Variants in RERE observed in about 807,000 individuals in gnomAD.
RERE encodes arginine-glutamic acid dipeptide repeats protein.
A neutral mutation model predicts 146.1 loss-of-function variants in RERE; 40 were observed. The ratio of observed to expected loss-of-function variants is 0.27; its 90% CI spans 0.21 to 0.36. The LOEUF (loss-of-function observed/expected upper bound fraction) is 0.36, where lower values mean the gene tolerates loss of function less well. Ranked by LOEUF, RERE falls within the 10% of genes least tolerant of loss-of-function variation. RERE has a pLI of 1.00. For synonymous variants in RERE, 1,003 were observed against 866.0 expected, an observed-to-expected ratio of 1.16 and a Z score of -2.78; for missense variants, 1,933 against 2,138.7, an observed-to-expected ratio of 0.90 and a Z score of 1.90.
At chr1:8,378,698 G>GA (rs1176006587) in intron 12 of RERE, among the ~76,000 whole-genome samples, 2 of 152,222 alleles carry the variant, frequency 1.3e-5, no homozygotes, top group African/African-American at 4.8e-5. Flanking sequence ...AGAACTGTAA[G>GA]AAAATAAGTT....
intron 8 of RERE, among the ~76,000 whole-genome samples, chr1:8,500,464 G>A (rs1414263335): frequency 1.3e-5 from 2 of 152,192 alleles, no homozygotes; most frequent in South Asian, 2.1e-4. Flanking sequence ...CGCCAGCCTC[G>A]GCCTCCCGAG....
intron 1 of RERE, among the ~76,000 whole-genome samples, chr1:8,728,521 T>G (rs1392397440): frequency 6.6e-6 from 1 of 152,134 alleles, no homozygotes; most frequent in East Asian, 1.9e-4. Flanking sequence ...ATATTCTTTT[T>G]AGGGGATTAG....
chr1:8,665,934 C>T (rs11121212), intron 1 of RERE, among the ~76,000 whole-genome samples: 95,747 of 151,970 alleles, frequency 0.63, 30,664 homozygotes, highest in East Asian at 0.83. Context: ...GTCAGTACTA[C>T]TGTTATGTAT....
intron 1 of RERE, chr1:8,786,108 C>A (rs901194151): frequency 6.1e-5 from 27 of 439,452 alleles, no homozygotes; most frequent in Non-Finnish European, 1.1e-4. Context: ...CTCTGACTGG[C>A]AGCAGTCTAA....
chr1:8,598,413 A>T (rs1449132023), intron 4 of RERE, among the ~76,000 whole-genome samples: 1 of 152,176 alleles, frequency 6.6e-6, no homozygotes, highest in African/African-American at 2.4e-5. Flanking sequence ...CTCCAGCAGA[A>T]GCAACGTCAC....
At chr1:8,692,884 T>A (rs1386315186) in intron 1 of RERE, among the ~76,000 whole-genome samples, 1 of 152,194 alleles carries the variant, frequency 6.6e-6, no homozygotes, top group Non-Finnish European at 1.5e-5. Flanking sequence ...ATTATTCCTT[T>A]TTACATCTAA....
intron 2 of RERE, among the ~76,000 whole-genome samples, chr1:8,653,573 T>C (rs553444145): frequency 6.6e-6 from 1 of 151,628 alleles, no homozygotes; most frequent in East Asian, 1.9e-4. Context: ...TGGGCGCCTG[T>C]AGTCCCAGCT....
intron 6 of RERE, among the ~76,000 whole-genome samples, chr1:8,545,616 CATT>C (rs567284006): frequency 2.7e-5 from 4 of 150,938 alleles, no homozygotes; most frequent in African/African-American, 7.3e-5. Flanking sequence ...CTATTATTAT[CATT>C]ATTAAGATGG....
rs993078630 is a variant in RERE, at chr1:8,754,639, G to C, written c.-145+62521C>G. ...GATGTATGTTTTGCCCTCACTCATG[G>C]GGAAAGAATCTATGGTTCTCCAATT... On this transcript the variant is annotated intron_variant, in intron 1 of 22. Transcript: ENST00000400908. Among the ~76,000 whole-genome samples, 96 of 152,114 alleles carry C rather than the reference G, an allele frequency of 6.3e-4. 1 individual carries two copies. Among genetic ancestry groups the C allele is most frequent in the Non-Finnish European group, 1.2e-3 (79 of 68,018 alleles).
chr1:8,488,081 T>G (rs538139705), intron 10 of RERE, among the ~76,000 whole-genome samples: 21 of 108,148 alleles, frequency 1.9e-4, no homozygotes, highest in African/African-American at 6.7e-4. Flanking sequence ...TAAATTTTTT[T>G]TAATCAAAAA....
At chr1:8,404,157 C>T (rs540068294) in intron 12 of RERE, among the ~76,000 whole-genome samples, 4 of 152,122 alleles carry the variant, frequency 2.6e-5, no homozygotes, top group African/African-American at 9.6e-5. Flanking sequence ...AGGCCGGGTG[C>T]GGTGGCTCAC....
At chr1:8,540,098 T>C (rs1377996723) in intron 7 of RERE, among the ~76,000 whole-genome samples, 3 of 151,970 alleles carry the variant, frequency 2.0e-5, no homozygotes, top group Non-Finnish European at 1.5e-5. Flanking sequence ...TTTATTTATT[T>C]TTTATTCTTT....
chr1:8,492,675 G>C (rs1001188677), intron 10 of RERE, among the ~76,000 whole-genome samples: 3 of 152,182 alleles, frequency 2.0e-5, no homozygotes, highest in Non-Finnish European at 2.9e-5. Flanking sequence ...CGAGGCAGGA[G>C]GATCACTTGA....
At chr1:8,526,876 C>T (rs1044161127) in intron 7 of RERE, among the ~76,000 whole-genome samples, 3 of 152,170 alleles carry the variant, frequency 2.0e-5, no homozygotes, top group Non-Finnish European at 4.4e-5. Context: ...TTAGTTTCCA[C>T]TTACAAACTA....
At chr1:8,602,001 G>A (rs1570494393) in intron 4 of RERE, among the ~76,000 whole-genome samples, 1 of 152,142 alleles carries the variant, frequency 6.6e-6, no homozygotes, top group African/African-American at 2.4e-5. Context: ...CCCTTTGTGT[G>A]GCAATCATTT....
intron 1 of RERE, among the ~76,000 whole-genome samples, chr1:8,721,238 C>A (rs1461243646): frequency 6.6e-6 from 1 of 152,314 alleles, no homozygotes; most frequent in Admixed American, 6.5e-5. Flanking sequence ...GACTTCCCTG[C>A]AGGCCTGAAC....
intron 10 of RERE, among the ~76,000 whole-genome samples, chr1:8,486,755 TAAAAA>T (rs33956517): frequency 8.2e-5 from 10 of 122,350 alleles, no homozygotes; most frequent in Non-Finnish European, 8.3e-5. Context: ...GAGTCCATCT[TAAAAA>T]AAAAAAAAAA....
At chr1:8,736,871 A>AAC (rs1553142588) in intron 1 of RERE, among the ~76,000 whole-genome samples, 89 of 148,886 alleles carry the variant, frequency 6.0e-4, no homozygotes, top group African/African-American at 1.6e-3. Flanking sequence ...AAAAAAAAAA[A>AAC]AAAACTAAAA....
At chr1:8,611,021 C>A (rs1646786747) in intron 4 of RERE, among the ~76,000 whole-genome samples, 1 of 151,730 alleles carries the variant, frequency 6.6e-6, no homozygotes, top group Admixed American at 6.6e-5. Context: ...AGTGAAACCC[C>A]ATCTCTACTA....
Sources: gnomAD v4.1 joint callset for allele counts (sites outside exome capture counted in the v4.1 genomes callset) on GRCh38, gnomAD v4.1.1 for gene constraint, MANE v1.5 for transcripts, NCBI Gene and HGNC (gene_info 2026-07-23, HGNC 2026-07-21) for gene names.